THSD7B: variants seen among roughly 807,000 people sequenced by gnomAD.
THSD7B encodes thrombospondin type-1 domain-containing protein 7B.
A neutral mutation model predicts 213.6 loss-of-function variants in THSD7B; 138 were observed. That is an observed-to-expected ratio of 0.65 (90% CI 0.56 to 0.74). The LOEUF (loss-of-function observed/expected upper bound fraction) is 0.74, where lower values mean the gene tolerates loss of function less well. Ranked by LOEUF, THSD7B falls within the 30% of genes least tolerant of loss-of-function variation. The probability of loss-of-function intolerance (pLI) is 0.00; values close to 1 mark genes in which losing one functional copy is unlikely to be tolerated. For missense variants in THSD7B, 1,931 were observed against 1,991.5 expected (o/e 0.97, Z 0.58); for synonymous variants, 742 against 687.0 (o/e 1.08, Z -1.25).
intron 12 of THSD7B, among the ~76,000 whole-genome samples, chr2:137,397,379 G>T (rs9712247): frequency 6.6e-6 from 1 of 152,090 alleles, no homozygotes; most frequent in South Asian, 2.1e-4. Flanking sequence ...AAATCTCTCA[G>T]CATTTGCTTG....
intron 2 of THSD7B, among the ~76,000 whole-genome samples, chr2:136,936,742 C>A (rs943330832): frequency 2.5e-4 from 38 of 152,028 alleles, no homozygotes; most frequent in Non-Finnish European, 2.4e-4. Flanking sequence ...ATGATGGATG[C>A]ACCAAAATCT....
At chr2:137,404,472 T>C (rs1463281) in intron 12 of THSD7B, among the ~76,000 whole-genome samples, 24,728 of 54,016 alleles carry the variant, frequency 0.46, 5,305 homozygotes, top group East Asian at 0.63. Flanking sequence ...TATATATATA[T>C]ATACACACAC....
intron 20 of THSD7B, among the ~76,000 whole-genome samples, chr2:137,628,799 A>G (rs1025474715): frequency 2.0e-5 from 3 of 151,834 alleles, no homozygotes; most frequent in African/African-American, 7.3e-5. Context: ...CACTGTCTCC[A>G]TCACCTTGTA....
intron 10 of THSD7B, among the ~76,000 whole-genome samples, chr2:137,262,860 G>T (rs1432868603): frequency 6.6e-6 from 1 of 152,122 alleles, no homozygotes; most frequent in Non-Finnish European, 1.5e-5. Flanking sequence ...CTGAGAGTAG[G>T]GTGGGGCACT....
At chr2:137,461,726 C>T (rs974481911) in intron 15 of THSD7B, among the ~76,000 whole-genome samples, 5 of 152,054 alleles carry the variant, frequency 3.3e-5, no homozygotes, top group East Asian at 3.9e-4. Context: ...GTTTTAAAAA[C>T]GTTTTATGAC....
intron 2 of THSD7B, among the ~76,000 whole-genome samples, chr2:137,002,499 G>A: frequency 6.6e-6 from 1 of 152,108 alleles, no homozygotes; most frequent in Non-Finnish European, 1.5e-5. Flanking sequence ...GGTATCTTAT[G>A]AGTTTTTAAA....
At position 136,908,511 on chromosome 2, in the gene THSD7B, T is replaced by G. The variant is rs565650335; in HGVS notation, c.139+26194T>G. On this transcript the variant is annotated intron_variant, in intron 2 of 27. Coordinates refer to ENST00000409968, the MANE Select transcript of THSD7B (RefSeq NM_001316349.2). ...CAAATTGGGACACTGAGTTTCCACC[T>G]GGGATTTGATATGACTGAAATCCAT... Among the ~76,000 whole-genome samples, 98 of 152,332 alleles carry G rather than the reference T, an allele frequency of 6.4e-4. 1 individual carries two copies. The highest frequency in any genetic ancestry group is 2.3e-3 in the African/African-American group (94 of 41,584).
intron 12 of THSD7B, among the ~76,000 whole-genome samples, chr2:137,333,703 G>A (rs1466516095): frequency 6.6e-6 from 1 of 152,178 alleles, no homozygotes; most frequent in East Asian, 1.9e-4. Flanking sequence ...ATCTTCTGAT[G>A]CCCCAGGCAC....
rs577171147 is a variant in THSD7B, at chr2:136,766,074, C to T, written c.-36+387C>T. On this transcript the variant is annotated intron_variant, in intron 1 of 27. Transcript: ENST00000409968. ...TTTGAGGGATACTGATGAAGGAAACCGGGGGTTTCCCGTCCTGCGCGGAGA... is the reference window on the plus strand; with the variant it reads ...TTTGAGGGATACTGATGAAGGAAACTGGGGGTTTCCCGTCCTGCGCGGAGA... Among the ~76,000 whole-genome samples the T allele has an allele frequency of 3.3e-5, 5 of 152,320 alleles. No individual in the cohort carries two copies. The South Asian group carries it at 1.0e-3, about 32-fold the overall frequency.
chr2:137,148,936 G>A (rs1017217712), intron 5 of THSD7B, among the ~76,000 whole-genome samples: 46 of 152,326 alleles, frequency 3.0e-4, no homozygotes, highest in African/African-American at 1.1e-3. Flanking sequence ...TAGTCACCAA[G>A]ACAATGGGGA....
At chr2:137,126,366 G>C (rs186951903) in intron 5 of THSD7B, among the ~76,000 whole-genome samples, 1 of 152,128 alleles carries the variant, frequency 6.6e-6, no homozygotes, top group East Asian at 1.9e-4. Context: ...ATTAGCACTT[G>C]CTGCTTCACT....
At chr2:136,991,578 T>G (rs1180883717) in intron 2 of THSD7B, among the ~76,000 whole-genome samples, 1 of 152,114 alleles carries the variant, frequency 6.6e-6, no homozygotes, top group Non-Finnish European at 1.5e-5. Flanking sequence ...GAATACTAAA[T>G]GCCAGCTGGG....
At chr2:136,847,241 G>A (rs896048713) in intron 1 of THSD7B, among the ~76,000 whole-genome samples, 1 of 152,184 alleles carries the variant, frequency 6.6e-6, no homozygotes, top group Admixed American at 6.5e-5. Flanking sequence ...GGGAATAAAT[G>A]CAGAATGAGA....
chr2:136,902,831 C>T (rs2163206), intron 2 of THSD7B, among the ~76,000 whole-genome samples: 79,976 of 152,070 alleles, frequency 0.53, 22,198 homozygotes, highest in East Asian at 0.83. Context: ...ACTGGCCCAA[C>T]GTCAGCGGCT....
chr2:137,220,280 CAT>C (rs1232735655), intron 7 of THSD7B, among the ~76,000 whole-genome samples: 5 of 151,902 alleles, frequency 3.3e-5, no homozygotes, highest in African/African-American at 9.7e-5. Flanking sequence ...TTTCAAATCA[CAT>C]GTGTGACAAA....
intron 7 of THSD7B, among the ~76,000 whole-genome samples, chr2:137,219,297 T>G (rs568083823): frequency 6.6e-6 from 1 of 152,300 alleles, no homozygotes; most frequent in African/African-American, 2.4e-5. Context: ...CAGTCAGTGA[T>G]GTTTGCCTGC....
At chr2:137,401,043 C>T (rs1000224418) in intron 12 of THSD7B, among the ~76,000 whole-genome samples, 1 of 152,176 alleles carries the variant, frequency 6.6e-6, no homozygotes, top group African/African-American at 2.4e-5. Context: ...AGTGCTTCAG[C>T]CTTGGCCAGC....
intron 12 of THSD7B, among the ~76,000 whole-genome samples, chr2:137,279,652 T>C (rs150575913): frequency 6.6e-6 from 1 of 152,190 alleles, no homozygotes; most frequent in Non-Finnish European, 1.5e-5. Context: ...GAAATTTAGA[T>C]TGGGGAAGGG....
intron 12 of THSD7B, among the ~76,000 whole-genome samples, chr2:137,388,746 A>G (rs1685949967): frequency 6.6e-6 from 1 of 152,084 alleles, no homozygotes; most frequent in Non-Finnish European, 1.5e-5. Context: ...TTTAGCACCT[A>G]CATGAGTAAG....
Sources: allele counts gnomAD v4.1 joint callset (sites outside exome capture counted in the v4.1 genomes callset), GRCh38; gene constraint gnomAD v4.1.1; transcripts MANE v1.5; gene names NCBI Gene and HGNC (gene_info 2026-07-23, HGNC 2026-07-21).